GRAMD2A: variants seen among roughly 807,000 people sequenced by gnomAD.
GRAMD2A encodes GRAM domain containing 2A, also known as GRAM domain-containing protein 2A.
GRAMD2A carries 37 observed loss-of-function variants against 51.1 expected under a neutral mutation model. The ratio of observed to expected loss-of-function variants is 0.72; its 90% CI spans 0.56 to 0.95. The LOEUF (loss-of-function observed/expected upper bound fraction) is 0.95, where lower values mean the gene tolerates loss of function less well. Among genes scored for constraint, GRAMD2A ranks in the 40% least tolerant of loss-of-function variants. The pLI is 0.00. For synonymous variants in GRAMD2A, 136 were observed against 157.1 expected, an observed-to-expected ratio of 0.87 and a Z score of 1.01; for missense variants, 414 against 426.9, an observed-to-expected ratio of 0.97 and a Z score of 0.27.
At chr15:72,191,914 A>G (rs144317622) in intron 1 of GRAMD2A, among the ~76,000 whole-genome samples, 104 of 152,384 alleles carry the variant, frequency 6.8e-4, no homozygotes, top group African/African-American at 2.1e-3. Flanking sequence ...GACTTTAGTC[A>G]AAGTATAAAC....
chr15:72,184,846 A>T (rs906926109), intron 1 of GRAMD2A, among the ~76,000 whole-genome samples: 3 of 152,238 alleles, frequency 2.0e-5, no homozygotes, highest in Admixed American at 6.5e-5. Context: ...AAGAGGGACA[A>T]TTATTGTTTG....
At chr15:72,189,857 G>A (rs1188740790) in intron 1 of GRAMD2A, among the ~76,000 whole-genome samples, 2 of 152,180 alleles carry the variant, frequency 1.3e-5, no homozygotes, top group Non-Finnish European at 1.5e-5. Flanking sequence ...GAAAGCTTAG[G>A]CTGTCCTATT....
In GRAMD2A at chr15:72,161,671, T is replaced by A; in HGVS notation, c.*338A>T. On this transcript the variant is annotated 3_prime_UTR_variant, in exon 12 of 12. Coordinates refer to ENST00000309731, the MANE Select transcript of GRAMD2A (RefSeq NM_001012642.3). The stretch of plus-strand genomic sequence containing the variant: ...GAGGTGGCCTCCAGTGTTCTGCCTG[T>A]GTGCCAGAACTGTTTCCAAGGACCC... 1 of 343,550 alleles carries A rather than the reference T, an allele frequency of 2.9e-6. No individual in the cohort carries two copies. Among genetic ancestry groups the A allele is most frequent in the South Asian group, 2.7e-5 (1 of 36,588 alleles). 21.3% of individuals were successfully genotyped at this position (343,550 alleles called of 1,614,324 possible).
rs1231800504 is a variant in GRAMD2A, at chr15:72,160,492, C to A, written c.*1517G>T. The A allele has an allele frequency of 6.6e-6, 1 of 152,168 alleles. No homozygotes were observed. The highest frequency in any genetic ancestry group is 1.5e-5 in the Non-Finnish European group (1 of 68,034). The allele number at this position is 152,168 out of a possible 1,614,324, so 9.4% of individuals were successfully genotyped here. A position where few individuals can be genotyped will look rare whatever the true frequency, so the allele number is the denominator to read the frequency against. On this transcript the variant is annotated 3_prime_UTR_variant, in exon 12 of 12. Transcript: ENST00000309731. ...AGAGACCACTTACTGGTAGTCCCTC[C>A]AATTCTCATTTGGGTTTGTCATAAA...
At chr15:72,168,327 C>T (rs2081570990) in intron 4 of GRAMD2A, among the ~76,000 whole-genome samples, 164 bp downstream of exon 4, 1 of 152,210 alleles carries the variant, frequency 6.6e-6, no homozygotes, top group African/African-American at 2.4e-5. Flanking sequence ...CCAAACCAGC[C>T]CAGTCTTCTC....
chr15:72,183,501 C>T (rs1463118600), intron 1 of GRAMD2A, among the ~76,000 whole-genome samples: 4 of 150,458 alleles, frequency 2.7e-5, no homozygotes, highest in African/African-American at 7.3e-5. Flanking sequence ...GGCGACAGAG[C>T]GAGACCATGT....
In GRAMD2A at chr15:72,160,930, G is replaced by C. The variant is rs900651541; in HGVS notation, c.*1079C>G. ...GACACTTCCACCTTAATGGAGAATA[G>C]GCCCCATGGAGTGGAGGTCCCTCCT... On this transcript the variant is annotated 3_prime_UTR_variant, in exon 12 of 12. Transcript: ENST00000309731. The C allele has an allele frequency of 6.6e-6, 1 of 152,336 alleles. No homozygotes were observed. Among genetic ancestry groups the C allele is most frequent in the African/African-American group, 2.4e-5 (1 of 41,446 alleles). 9.4% of individuals were successfully genotyped at this position (152,336 alleles called of 1,614,324 possible).
chr15:72,192,146 A>T (rs987125497), intron 1 of GRAMD2A, among the ~76,000 whole-genome samples: 1 of 152,250 alleles, frequency 6.6e-6, no homozygotes, highest in Non-Finnish European at 1.5e-5. Flanking sequence ...TCCAGGAGAC[A>T]GGGAGAAGGG....
intron 1 of GRAMD2A, among the ~76,000 whole-genome samples, chr15:72,187,483 TA>T (rs567613292): frequency 3.0e-3 from 425 of 142,348 alleles, no homozygotes; most frequent in Admixed American, 4.0e-3. Flanking sequence ...AAAAGAAAAC[TA>T]AAAAAAAAAC....
intron 8 of GRAMD2A, among the ~76,000 whole-genome samples, chr15:72,164,914 G>A (rs1483806930): frequency 2.0e-5 from 3 of 152,176 alleles, no homozygotes; most frequent in African/African-American, 4.8e-5. Flanking sequence ...GGAGGCCAGT[G>A]GATCACTTGA....
At chr15:72,189,023 A>G (rs1281735922) in intron 1 of GRAMD2A, among the ~76,000 whole-genome samples, 1 of 152,172 alleles carries the variant, frequency 6.6e-6, no homozygotes, top group African/African-American at 2.4e-5. Context: ...AGTATTATAC[A>G]CCTGTTAGAA....
intron 1 of GRAMD2A, among the ~76,000 whole-genome samples, chr15:72,180,452 G>A (rs2081688377): frequency 6.6e-6 from 1 of 152,252 alleles, no homozygotes; most frequent in South Asian, 2.1e-4. Context: ...GCCGCCCTCC[G>A]GCCAGGCCTG....
chr15:72,171,835 A>T (rs55778258), intron 1 of GRAMD2A, among the ~76,000 whole-genome samples: 94 of 144,454 alleles, frequency 6.5e-4, no homozygotes, highest in South Asian at 1.1e-3. Flanking sequence ...TGGCTTTTTT[A>T]TTTTTTTTTT....
chr15:72,178,474 G>A (rs2081670712), intron 1 of GRAMD2A, among the ~76,000 whole-genome samples: 1 of 152,008 alleles, frequency 6.6e-6, no homozygotes, highest in Non-Finnish European at 1.5e-5. Context: ...GTGGAGAGAG[G>A]CAGGCTTATT....
chr15:72,178,678 C>T (rs1020402764), intron 1 of GRAMD2A, among the ~76,000 whole-genome samples: 3 of 150,116 alleles, frequency 2.0e-5, no homozygotes, highest in Admixed American at 6.7e-5. Context: ...GGGTTCGTGC[C>T]GTTCTCCTGC....
At position 72,166,289 on chromosome 15, in the gene GRAMD2A, G is replaced by A. The variant is rs1304563720; in HGVS notation, c.543+343C>T. Among the ~76,000 whole-genome samples the A allele has an allele frequency of 1.3e-5, 2 of 152,218 alleles. No individual in the cohort carries two copies. Among genetic ancestry groups the A allele is most frequent in the African/African-American group, 2.4e-5 (1 of 41,450 alleles). On this transcript the variant is annotated intron_variant, in intron 7 of 11. Transcript: ENST00000309731. The surrounding 1 kb of genome is among the most constrained non-coding windows in gnomAD (Gnocchi z 4.1). ...ATTCTGAGATGTTTAAGGGAGGTGA[G>A]GCTAAGCTACGATGTTCTGTAGGTG...
At chr15:72,172,988 C>T (rs945953310) in intron 1 of GRAMD2A, among the ~76,000 whole-genome samples, 2 of 152,086 alleles carry the variant, frequency 1.3e-5, no homozygotes, top group African/African-American at 4.8e-5. Flanking sequence ...TCCATGGGGC[C>T]GCCAGGGAAA....
chr15:72,169,816 G>A, intron 2 of GRAMD2A, 31 bp downstream of exon 2: 1 of 1,536,754 alleles, frequency 6.5e-7, no homozygotes, highest in African/African-American at 1.4e-5. Context: ...TCTAGTCTGT[G>A]TGTATCTATG....
intron 1 of GRAMD2A, among the ~76,000 whole-genome samples, chr15:72,179,617 CAG>C (rs1461702118): frequency 6.6e-6 from 1 of 152,164 alleles, no homozygotes. Flanking sequence ...AAATGGCAAA[CAG>C]AGAAAAAAAT....
Sources: allele counts gnomAD v4.1 joint callset (sites outside exome capture counted in the v4.1 genomes callset), GRCh38; gene constraint gnomAD v4.1.1; non-coding constraint Gnocchi (gnomAD v3.1); transcripts MANE v1.5; gene names NCBI Gene and HGNC (gene_info 2026-07-23, HGNC 2026-07-21).